Variants in HACL1 observed in about 807,000 individuals in gnomAD.
The protein encoded by HACL1 is 1600020H07Rik.
In HACL1, 64 loss-of-function variants were observed where a neutral mutation model predicts 74.2. That is an observed-to-expected ratio of 0.86 (90% CI 0.70 to 1.06). HACL1 has a LOEUF of 1.06. Ranked by LOEUF, HACL1 falls within the 50% of genes least tolerant of loss-of-function variation. HACL1 has a pLI of 0.00. For missense variants in HACL1, 728 were observed against 719.7 expected, an observed-to-expected ratio of 1.01 and a Z score of -0.13; for synonymous variants, 230 against 238.8, an observed-to-expected ratio of 0.96 and a Z score of 0.34.
intron 16 of HACL1, among the ~76,000 whole-genome samples, chr3:15,562,958 G>T (rs1449691789): frequency 6.9e-6 from 1 of 145,368 alleles, no homozygotes; most frequent in Non-Finnish European, 1.5e-5. Flanking sequence ...CTCCGTTTAA[G>T]AATCACCTCC....
rs1416653300 is a variant in HACL1, at chr3:15,578,079, C to T, written c.803+1831G>A. On this transcript the variant is annotated intron_variant, in intron 9 of 16. Coordinates refer to ENST00000321169, the MANE Select transcript of HACL1 (RefSeq NM_012260.4). Reference sequence around the variant, plus strand: ...CGCCACTGCACTCCAGCCTGGGTGACAGAGCAAGACTCCGTCTCAAAAAAA... The same window carrying T: ...CGCCACTGCACTCCAGCCTGGGTGATAGAGCAAGACTCCGTCTCAAAAAAA... 3.4e-5 allele frequency among the ~76,000 whole-genome samples: 4 copies of T among 117,032 alleles called. No individual in the cohort carries two copies. The South Asian group carries it at 1.1e-3, about 31-fold the overall frequency. The allele number at this position is 117,032 out of a possible 152,430, so 76.8% of individuals were successfully genotyped here.
At chr3:15,567,555 C>G (rs1291537541) in intron 14 of HACL1, among the ~76,000 whole-genome samples, 1 of 152,080 alleles carries the variant, frequency 6.6e-6, no homozygotes, top group Non-Finnish European at 1.5e-5. Context: ...CTTGCTATTT[C>G]CCACAGGAAA....
chr3:15,591,799 A>G (rs1243678484), intron 3 of HACL1, 119 bp from the exon 4 acceptor site: 1 of 589,304 alleles, frequency 1.7e-6, no homozygotes, highest in Non-Finnish European at 3.1e-6. Context: ...TCTTTACTAT[A>G]ACTGATAAAA....
At chr3:15,571,829 C>CTTTTTTTTT (rs869072841) in intron 11 of HACL1, 60 bp from the exon 12 acceptor site, 2,735 of 225,312 alleles carry the variant, frequency 0.012, 10 homozygotes, top group Non-Finnish European at 0.015. Context: ...CCTTTTTTTT[C>CTTTTTTTTT]TTTTTTTTTT....
intron 8 of HACL1, among the ~76,000 whole-genome samples, chr3:15,581,600 C>T (rs139034031): frequency 1.0e-3 from 152 of 152,320 alleles, no homozygotes; most frequent in Non-Finnish European, 1.6e-3. Context: ...TCTCTGTCCA[C>T]TTGGTGAACT....
rs1214459865 is a variant in HACL1 at position 15,582,915 on chromosome 3, A to G, written c.629T>C (p.Ile210Thr). ...TSAVCTAASVIRNAKQPLLII... is the reference protein window; with the variant it reads ...TSAVCTAASVTRNAKQPLLII... ...AAGAAGGGGTTGTTTGGCATTCCTA[A>G]TAACAGAAGCCGCCGTGCACACAGC... is the stretch of plus-strand genomic sequence containing the variant. The change falls in exon 8 of 17, where the codon ATT becomes ACT. Residue 210 changes from isoleucine (I) to threonine (T), a missense_variant. Coordinates refer to ENST00000321169, the MANE Select transcript of HACL1 (RefSeq NM_012260.4). 2.5e-6 allele frequency: 4 copies of G among 1,610,584 alleles called. No homozygotes were observed. The East Asian group carries it at 6.7e-5, about 27-fold the overall frequency.
At chr3:15,568,410 C>A in intron 13 of HACL1, 22 bp downstream of exon 13, 4 of 1,471,158 alleles carry the variant, frequency 2.7e-6, no homozygotes, top group Non-Finnish European at 2.8e-6. Flanking sequence ...ATTACGACTT[C>A]TTTCTTCTTT....
intron 13 of HACL1, 96 bp downstream of exon 13, chr3:15,568,336 A>T (rs772788737): frequency 2.9e-5 from 23 of 790,988 alleles, no homozygotes; most frequent in Non-Finnish European, 4.6e-5. Flanking sequence ...CTAAACATGT[A>T]TTAATTCTCA....
chr3:15,567,603 A>C (rs2063459409), intron 14 of HACL1, among the ~76,000 whole-genome samples: 1 of 151,850 alleles, frequency 6.6e-6, no homozygotes, highest in African/African-American at 2.4e-5. Context: ...TTTCTCAGTG[A>C]CCTCAAAACC....
intron 3 of HACL1, among the ~76,000 whole-genome samples, chr3:15,593,389 A>AT (rs1205167412): frequency 4.3e-4 from 65 of 149,568 alleles, no homozygotes; most frequent in African/African-American, 1.2e-3. Flanking sequence ...AATTTTTTGT[A>AT]TTTTTTTTTG....
intron 5 of HACL1, among the ~76,000 whole-genome samples, chr3:15,588,948 C>T (rs138492369): frequency 2.1e-3 from 320 of 152,214 alleles, no homozygotes; most frequent in African/African-American, 7.3e-3. Flanking sequence ...CCTACATCTT[C>T]TTGACTCCTT....
At chr3:15,564,512 G>A (rs746250245) in intron 15 of HACL1, 39 bp downstream of exon 15, 1 of 878,810 alleles carries the variant, frequency 1.1e-6, no homozygotes, top group Non-Finnish European at 1.9e-6. Flanking sequence ...ATTAAAACGG[G>A]AAAGAGAAAG....
chr3:15,568,712 G>T, intron 12 of HACL1, 126 bp from the exon 13 acceptor site: 1 of 626,968 alleles, frequency 1.6e-6, no homozygotes, highest in Non-Finnish European at 2.8e-6. Flanking sequence ...TTTCCAAATG[G>T]CTATAAAATG....
At chr3:15,582,812 A>G in intron 8 of HACL1, 65 bp downstream of exon 8, 1 of 766,444 alleles carries the variant, frequency 1.3e-6, no homozygotes, top group Non-Finnish European at 2.3e-6. Flanking sequence ...ATAAACAATG[A>G]AAGTTTGTAA....
At chr3:15,593,867 G>A (rs975147294) in intron 3 of HACL1, among the ~76,000 whole-genome samples, 12 of 142,824 alleles carry the variant, frequency 8.4e-5, no homozygotes, top group South Asian at 2.2e-4. Context: ...GTGTGATCTC[G>A]GCTCACTGCA....
intron 12 of HACL1, among the ~76,000 whole-genome samples, chr3:15,569,104 A>G (rs181439562): frequency 6.6e-6 from 1 of 152,346 alleles, no homozygotes. Context: ...ACTATTCTAA[A>G]GAGTCCCTGA....
intron 16 of HACL1, among the ~76,000 whole-genome samples, chr3:15,561,843 G>A (rs141709492): frequency 0.01 from 1,586 of 152,264 alleles, 41 homozygotes; most frequent in African/African-American, 0.037. Context: ...ACCATGCCCA[G>A]TTAATTTTTG....
At chr3:15,561,671 C>G (rs144123871) in intron 16 of HACL1, among the ~76,000 whole-genome samples, 239 of 152,188 alleles carry the variant, frequency 1.6e-3, no homozygotes, top group African/African-American at 5.4e-3. Context: ...ACATAGGTCT[C>G]AAGATGATGA....
In HACL1 at chr3:15,582,905, G is replaced by C; in HGVS notation, c.639C>G (p.Ala213=). The C allele has an allele frequency of 1.2e-6, 2 of 1,604,050 alleles. No individual in the cohort carries two copies. The highest frequency in any genetic ancestry group is 4.5e-5 in the East Asian group (2 of 44,786). Reference sequence around the variant, plus strand: ...TCCCGATGATAAGAAGGGGTTGTTTGGCATTCCTAATAACAGAAGCCGCCG... The same window carrying C: ...TCCCGATGATAAGAAGGGGTTGTTTCGCATTCCTAATAACAGAAGCCGCCG... ...VCTAASVIRN[A]KQPLLIIGKG... Residue 213 remains alanine (A), a synonymous_variant, in exon 8 of 17, where the codon GCC becomes GCG. Coordinates refer to ENST00000321169, the MANE Select transcript of HACL1 (RefSeq NM_012260.4).
Sources: allele counts gnomAD v4.1 joint callset (sites outside exome capture counted in the v4.1 genomes callset), GRCh38; gene constraint gnomAD v4.1.1; transcripts MANE v1.5; gene names NCBI Gene and HGNC (gene_info 2026-07-23, HGNC 2026-07-21).